Variants in AP2M1 observed in about 807,000 individuals in gnomAD.
The protein encoded by AP2M1 is AP-2 complex subunit mu.
In AP2M1, 5 loss-of-function variants were observed where a neutral mutation model predicts 54.5. The observed-to-expected ratio is 0.09, with a 90% CI of 0.05 to 0.19. The LOEUF is 0.19. AP2M1 is among the 10% of genes least tolerant of loss of function. The pLI is 1.00. For missense variants in AP2M1, 178 were observed against 580.2 expected, an observed-to-expected ratio of 0.31 and a Z score of 7.12; for synonymous variants, 186 against 208.2, an observed-to-expected ratio of 0.89 and a Z score of 0.92.
chr3:184,177,744 C>T (rs1223191806), intron 2 of AP2M1: 7 of 855,484 alleles, frequency 8.2e-6, no homozygotes, highest in Middle Eastern at 3.4e-4. Flanking sequence ...CCCCCTTGCA[C>T]GCCCTTGTTC....
chr3:184,174,930 G>A lies in AP2M1; in HGVS notation c.-73G>A. ...ATCTTGGGATCCGGAGAGTGGCCGG[G>A]CCGGCAGAGCAGGGGGCCGAGGACA... On this transcript the variant is annotated 5_prime_UTR_variant, in exon 1 of 12. Coordinates refer to ENST00000292807, the MANE Select transcript of AP2M1 (RefSeq NM_004068.4). The A allele has an allele frequency of 2.5e-6, 1 of 398,628 alleles. No individual in the cohort carries two copies. 24.7% of individuals were successfully genotyped at this position (398,628 alleles called of 1,614,324 possible). A position where few individuals can be genotyped will look rare whatever the true frequency, so the allele number is the denominator to read the frequency against.
rs963505962 is a variant in AP2M1, at chr3:184,183,797, G to C, written c.*181G>C. On this transcript the variant is annotated 3_prime_UTR_variant, in exon 12 of 12. Coordinates refer to ENST00000292807, the MANE Select transcript of AP2M1 (RefSeq NM_004068.4). This position sits in a 1 kb window ranked among gnomAD's most constrained non-coding sequence, Gnocchi z 5.7. The stretch of plus-strand genomic sequence containing the variant: ...AGTGGGACCGGTGGAGCAGCCCCTG[G>C]GCTCCCTGGGCAGGGGAGTTCTGAG... 9.0e-6 allele frequency: 6 copies of C among 666,844 alleles called. No individual in the cohort carries two copies. Among genetic ancestry groups the C allele is most frequent in the Admixed American group, 8.9e-5 (3 of 33,640 alleles). The allele number at this position is 666,844 out of a possible 1,614,324, so 41.3% of individuals were successfully genotyped here.
Position 184,178,196 on chromosome 3 carries a change from C to A in AP2M1, c.75-661C>A. 1 of 1,535,938 alleles carries A rather than the reference C, an allele frequency of 6.5e-7. No individual in the cohort carries two copies. The highest frequency in any genetic ancestry group is 1.2e-5 in the South Asian group (1 of 84,046). On this transcript the variant is annotated intron_variant, in intron 2 of 11. Transcript: ENST00000292807. This position sits in a 1 kb window ranked among gnomAD's most constrained non-coding sequence, Gnocchi z 4.9. ...TTCTTGCTGGCGTCATTTCTCTCAT[C>A]CCATCTCATTGGCTGCCGTAGCAAT...
chr3:184,174,877 C>T lies in AP2M1; in HGVS notation c.-126C>T. The stretch of plus-strand genomic sequence containing the variant: ...GGCACTGCGGTGAAAGCCGAGGCAG[C>T]GGGCAGACGAGCAGGGGGCGGGCGG... On this transcript the variant is annotated 5_prime_UTR_variant, in exon 1 of 12. Coordinates refer to ENST00000292807, the MANE Select transcript of AP2M1 (RefSeq NM_004068.4). 2.5e-6 allele frequency: 1 copy of T among 398,146 alleles called. No individual in the cohort carries two copies. The highest frequency in any genetic ancestry group is 4.4e-5 in the Admixed American group (1 of 22,716). The allele number at this position is 398,146 out of a possible 1,614,324, so 24.7% of individuals were successfully genotyped here. A position where few individuals can be genotyped will look rare whatever the true frequency, so the allele number is the denominator to read the frequency against.
chr3:184,181,259 T>G lies in AP2M1; in HGVS notation c.707+33T>G, dbSNP rs1577059849. ...AGGCAGGAGAGCTGGTGGGAGAGGGTGTCCCTTGGAGGGCTCAGTGGGGTC... is the reference window on the plus strand; with the variant it reads ...AGGCAGGAGAGCTGGTGGGAGAGGGGGTCCCTTGGAGGGCTCAGTGGGGTC... On this transcript the variant is annotated intron_variant, in intron 7 of 11. Transcript: ENST00000292807. The surrounding 1 kb of genome is among the most constrained non-coding windows in gnomAD (Gnocchi z 5.7). 1 of 1,612,852 alleles carries G rather than the reference T, an allele frequency of 6.2e-7. No individual in the cohort carries two copies. The highest frequency in any genetic ancestry group is 8.5e-7 in the Non-Finnish European group (1 of 1,179,604).
chr3:184,180,130 A>G lies in AP2M1; in HGVS notation c.341-39A>G. Reference sequence around the variant, plus strand: ...GCCCAAGTAGGGGCTGGAATGAAGAAGCTCTGTCCAGGGGCTGATGGTTCC... The same window carrying G: ...GCCCAAGTAGGGGCTGGAATGAAGAGGCTCTGTCCAGGGGCTGATGGTTCC... On this transcript the variant is annotated intron_variant, in intron 3 of 11. Coordinates refer to ENST00000292807, the MANE Select transcript of AP2M1 (RefSeq NM_004068.4). The surrounding 1 kb of genome is among the most constrained non-coding windows in gnomAD (Gnocchi z 4.9). 6.2e-7 allele frequency: 1 copy of G among 1,602,720 alleles called. No homozygotes were observed.
chr3:184,182,298 C>T lies in AP2M1; in HGVS notation c.1061+50C>T. On this transcript the variant is annotated intron_variant, in intron 10 of 11. Coordinates refer to ENST00000292807, the MANE Select transcript of AP2M1 (RefSeq NM_004068.4). The surrounding 1 kb of genome is among the most constrained non-coding windows in gnomAD (Gnocchi z 5.5). ...CAGCAGGGCTCAAGATCCCAGTATA[C>T]CCTCTTGTTTTCAGCTTTGATCCTT... 6.3e-7 allele frequency: 1 copy of T among 1,574,946 alleles called. No homozygotes were observed. The highest frequency in any genetic ancestry group is 8.7e-7 in the Non-Finnish European group (1 of 1,155,352).
chr3:184,177,704 C>T, intron 2 of AP2M1: 1 of 1,201,364 alleles, frequency 8.3e-7, no homozygotes, highest in Non-Finnish European at 1.2e-6. Flanking sequence ...GGCCTTCACA[C>T]AGAGCCACAG....
In AP2M1 at chr3:184,178,667, C is replaced by T. The variant is rs894382464; in HGVS notation, c.75-190C>T. 1.3e-5 allele frequency among the ~76,000 whole-genome samples: 2 copies of T among 152,262 alleles called. No individual in the cohort carries two copies. The highest frequency in any genetic ancestry group is 4.8e-5 in the African/African-American group (2 of 41,464). On this transcript the variant is annotated intron_variant, in intron 2 of 11. Coordinates refer to ENST00000292807, the MANE Select transcript of AP2M1 (RefSeq NM_004068.4). This position sits in a 1 kb window ranked among gnomAD's most constrained non-coding sequence, Gnocchi z 4.9. The stretch of plus-strand genomic sequence containing the variant: ...TTTAGACACTAGCCCAGCTCAGGCA[C>T]TCTTCCCATGCCTCCACAGGGAGTC...
rs545302113 is a variant in AP2M1 at position 184,181,587 on chromosome 3, T to G, written c.708-109T>G. ...AGACCTCCGAGTCACAAAGCTGCAT[T>G]CTAGCAGCTTTTCATAGTCTCTGGT... On this transcript the variant is annotated intron_variant, in intron 7 of 11. Transcript: ENST00000292807. The surrounding 1 kb of genome is among the most constrained non-coding windows in gnomAD (Gnocchi z 5.7). 60 of 1,438,022 alleles carry G rather than the reference T, an allele frequency of 4.2e-5. No individual in the cohort carries two copies. The African/African-American group carries it at 7.7e-4, about 18-fold the overall frequency. 89.1% of individuals were successfully genotyped at this position (1,438,022 alleles called of 1,614,324 possible).
chr3:184,176,030 A>T (rs1560124858), intron 1 of AP2M1, among the ~76,000 whole-genome samples: 2 of 152,228 alleles, frequency 1.3e-5, no homozygotes, highest in Admixed American at 6.6e-5. Context: ...AAACAGTCTA[A>T]ATTAATTTGA....
In AP2M1 at chr3:184,182,885, G is replaced by A. The variant is rs1163660857; in HGVS notation, c.1173+17G>A. The A allele has an allele frequency of 3.7e-6, 6 of 1,604,988 alleles. No homozygotes were observed. The highest frequency in any genetic ancestry group is 1.7e-5 in the Admixed American group (1 of 59,836). On this transcript the variant is annotated intron_variant, in intron 11 of 11. Transcript: ENST00000292807. This position sits in a 1 kb window ranked among gnomAD's most constrained non-coding sequence, Gnocchi z 5.5. ...AACTTTGAGGTATGGCAGAGGAGGG[G>A]CCTAGAGTCATGCCAGGGTATGCTG...
chr3:184,183,240 G>A lies in AP2M1; in HGVS notation c.1174-242G>A, dbSNP rs994457328. On this transcript the variant is annotated intron_variant, in intron 11 of 11. Coordinates refer to ENST00000292807, the MANE Select transcript of AP2M1 (RefSeq NM_004068.4). The surrounding 1 kb of genome is among the most constrained non-coding windows in gnomAD (Gnocchi z 5.7). ...TCATAATATTGAGCAGGATAAGTAT[G>A]TTCTAAAGCAGTTCTTTGGTTGCTG... The A allele has an allele frequency of 8.6e-6, 5 of 582,000 alleles. No homozygotes were observed. The African/African-American group carries it at 9.3e-5, about 11-fold the overall frequency. The allele number at this position is 582,000 out of a possible 1,614,324, so 36.1% of individuals were successfully genotyped here.
Position 184,180,236 on chromosome 3 carries a change from G to A in AP2M1, c.408G>A (p.Gln136=). Residue 136 remains glutamine, a synonymous_variant, in exon 4 of 12, where the codon CAG becomes CAA. Coordinates refer to ENST00000292807, the MANE Select transcript of AP2M1 (RefSeq NM_004068.4). The surrounding 1 kb of genome is among the most constrained non-coding windows in gnomAD (Gnocchi z 4.9). ...TGALKTFITQ[Q]GIKSQHQTKE... ...CGCTGAAAACCTTCATCACGCAGCAGGGCATCAAGAGTCAGGTACTTGAAT... is the reference window on the plus strand; with the variant it reads ...CGCTGAAAACCTTCATCACGCAGCAAGGCATCAAGAGTCAGGTACTTGAAT... 2.5e-6 allele frequency: 4 copies of A among 1,614,206 alleles called. No individual in the cohort carries two copies. The highest frequency in any genetic ancestry group is 3.4e-6 in the Non-Finnish European group (4 of 1,180,040).
Position 184,179,130 on chromosome 3 carries a change from T to C in AP2M1, c.340+8T>C. On this transcript the variant is annotated splice_region_variant and intron_variant, in intron 3 of 11. Transcript: ENST00000292807. ...TATATGAGCTGCTGGATGGTGAGGC[T>C]GGCGGGCTGGCACGGCAGCGGGCGT... is the stretch of plus-strand genomic sequence containing the variant. The C allele has an allele frequency of 4.3e-6, 7 of 1,610,016 alleles. No individual in the cohort carries two copies. Among genetic ancestry groups the C allele is most frequent in the Non-Finnish European group, 5.1e-6 (6 of 1,176,562 alleles).
At chr3:184,177,535 T>C (rs1715113963) in intron 2 of AP2M1, 35 of 1,535,594 alleles carry the variant, frequency 2.3e-5, no homozygotes, top group Non-Finnish European at 2.9e-5. Context: ...TCCTGCTCCC[T>C]TTCTCAGGAG....
Position 184,180,012 on chromosome 3 carries a change from G to A in AP2M1, c.341-157G>A, listed in dbSNP as rs1577059167. On this transcript the variant is annotated intron_variant, in intron 3 of 11. Transcript: ENST00000292807. The surrounding 1 kb of genome is among the most constrained non-coding windows in gnomAD (Gnocchi z 4.9). ...AACATTTGAATTGTTTTCCTGTAAA[G>A]CACAAATCACAGAATAAATGCTACA... 2.9e-6 allele frequency: 2 copies of A among 685,818 alleles called. No individual in the cohort carries two copies. Among genetic ancestry groups the A allele is most frequent in the East Asian group, 2.7e-5 (1 of 36,500 alleles). 42.5% of individuals were successfully genotyped at this position (685,818 alleles called of 1,614,324 possible).
At position 184,180,379 on chromosome 3, in the gene AP2M1, G is replaced by A. The variant is rs1173091269; in HGVS notation, c.423+128G>A. ...CAGGAAGTGCTGGCCTGAGCCTCCTGCCATGATTGCAGGCCGATTTTGCTC... is the reference window on the plus strand; with the variant it reads ...CAGGAAGTGCTGGCCTGAGCCTCCTACCATGATTGCAGGCCGATTTTGCTC... On this transcript the variant is annotated intron_variant, in intron 4 of 11. Transcript: ENST00000292807. The surrounding 1 kb of genome is among the most constrained non-coding windows in gnomAD (Gnocchi z 4.9). 2.0e-5 allele frequency: 25 copies of A among 1,257,414 alleles called. 1 individual carries two copies. In the South Asian group the frequency reaches 3.3e-4, roughly 17 times the overall value. The allele number at this position is 1,257,414 out of a possible 1,614,324, so 77.9% of individuals were successfully genotyped here.
At chr3:184,176,850 G>A (rs1471881052) in intron 1 of AP2M1, 101 bp from the exon 2 acceptor site, 2 of 761,270 alleles carry the variant, frequency 2.6e-6, no homozygotes, top group African/African-American at 1.8e-5. Context: ...ACTTACTAAA[G>A]GGTTGAGTCA....
Sources: allele counts gnomAD v4.1 joint callset (sites outside exome capture counted in the v4.1 genomes callset), GRCh38; gene constraint gnomAD v4.1.1; non-coding constraint Gnocchi (gnomAD v3.1); transcripts MANE v1.5; gene names NCBI Gene and HGNC (gene_info 2026-07-23, HGNC 2026-07-21).